AP1B1: variants seen among roughly 807,000 people sequenced by gnomAD.
AP1B1 encodes adaptor related protein complex 1 subunit beta 1, also known as AP-1 complex subunit beta-1.
Under a neutral mutation model 104.3 loss-of-function variants are expected in AP1B1, and 36 were observed. The observed-to-expected ratio is 0.35, with a 90% CI of 0.26 to 0.46. The LOEUF is 0.46. AP1B1 is among the 20% of genes least tolerant of loss of function. AP1B1 has a pLI of 1.00. For synonymous variants in AP1B1, 504 were observed against 517.5 expected (o/e 0.97, Z 0.35); for missense variants, 901 against 1,247.9 (o/e 0.72, Z 4.19).
chr22:29,382,988 T>C (rs1226867294), intron 1 of AP1B1, among the ~76,000 whole-genome samples: 2 of 152,188 alleles, frequency 1.3e-5, no homozygotes, highest in Admixed American at 6.5e-5. Context: ...TTGTGGCTTA[T>C]TGGTTTTTCT....
intron 11 of AP1B1, 25 bp downstream of exon 11, chr22:29,349,193 C>CA (rs1333372661): frequency 6.2e-7 from 1 of 1,609,160 alleles, no homozygotes; most frequent in Non-Finnish European, 8.5e-7. Context: ...TCATGACTCA[C>CA]ACCCTGGCCA....
In AP1B1 at chr22:29,334,355, C is replaced by T. The variant is rs778806080; in HGVS notation, c.2219G>A (p.Arg740His). ...GTCCATGGAGATGGAGCCCACCTGGCGGGTGAAGGTGCCTGAGATCTCCAG... is the reference window on the plus strand; with the variant it reads ...GTCCATGGAGATGGAGCCCACCTGGTGGGTGAAGGTGCCTGAGATCTCCAG... ...KGLEISGTFT[R>H]QVGSISMDLQ... Residue 740 changes from arginine (R) to histidine (H), a missense_variant, in exon 17 of 23, where the codon CGC (arginine) becomes CAC (histidine). By Grantham distance (29) the Arg-to-His change is conservative (BLOSUM62 0). Around this residue, in one of 3 missense-constraint regions of AP1B1, gnomAD observed 424 missense variants for 494.0 expected, o/e 0.86. Transcript: ENST00000357586. The T allele has an allele frequency of 2.0e-5, 32 of 1,610,486 alleles. No individual in the cohort carries two copies. The highest frequency in any genetic ancestry group is 5.4e-5 in the African/African-American group (4 of 74,682).
intron 1 of AP1B1, among the ~76,000 whole-genome samples, chr22:29,376,805 C>A (rs921938949): frequency 1.3e-5 from 2 of 152,172 alleles, no homozygotes; most frequent in African/African-American, 4.8e-5. Flanking sequence ...TACTCTGTGC[C>A]ATGCCCTGGA....
intron 1 of AP1B1, among the ~76,000 whole-genome samples, chr22:29,368,133 C>T (rs2062173485): frequency 6.6e-6 from 1 of 152,092 alleles, no homozygotes. Context: ...ACCATCTCTA[C>T]TAAAAATACA....
chr22:29,369,192 T>C (rs1161563064), intron 1 of AP1B1, among the ~76,000 whole-genome samples: 1 of 152,140 alleles, frequency 6.6e-6, no homozygotes, highest in East Asian at 1.9e-4. Context: ...TCAGGAGTCA[T>C]TTCACAGCCT....
Position 29,349,370 on chromosome 22 carries a change from T to C in AP1B1, c.1285A>G (p.Ile429Val). Residue 429 changes from isoleucine (I) to valine (V), a missense_variant, in exon 11 of 23, where the codon ATT (isoleucine) becomes GTT (valine). Ile to Val is a conservative substitution (Grantham distance 29). Around this residue, in one of 3 missense-constraint regions of AP1B1, gnomAD observed 471 missense variants for 696.7 expected, o/e 0.68. Transcript: ENST00000357586. ...RKYPNKYESV[I>V]ATLCENLDSL... is the part of the protein sequence containing the mutation. ...TCCAGATTCTCACACAGTGTGGCAA[T>C]CACACTCTCATACCTGGGAGACCAG... 6.2e-7 allele frequency: 1 copy of C among 1,613,772 alleles called. No homozygotes were observed. The highest frequency in any genetic ancestry group is 2.2e-5 in the East Asian group (1 of 44,866).
rs949950441 is a variant in AP1B1 at position 29,328,941 on chromosome 22, G to T, written c.2776-46C>A. 3 of 1,583,014 alleles carry T rather than the reference G, an allele frequency of 1.9e-6. No homozygotes were observed. The highest frequency in any genetic ancestry group is 2.6e-6 in the Non-Finnish European group (3 of 1,167,730). On this transcript the variant is annotated intron_variant, in intron 22 of 22. Transcript: ENST00000357586. This position sits in a 1 kb window ranked among gnomAD's most constrained non-coding sequence, Gnocchi z 4.1. Reference sequence around the variant, plus strand: ...GGGGGAAAGAGCGCTCATCCCTGGGGTTCCTCTCAGGAAGGAAAGGGGTGG... The same window carrying T: ...GGGGGAAAGAGCGCTCATCCCTGGGTTTCCTCTCAGGAAGGAAAGGGGTGG...
At chr22:29,343,878 C>T (rs940015457) in intron 11 of AP1B1, among the ~76,000 whole-genome samples, 11 of 151,960 alleles carry the variant, frequency 7.2e-5, no homozygotes, top group African/African-American at 1.7e-4. Context: ...TGGGAGGCCT[C>T]GGTGGTTGGA....
rs375066553 is a variant in AP1B1, at chr22:29,344,649, C to T, written c.1438-2266G>A. ...AAGTGATTTTCCTGCCTCAGCCTCC[C>T]GAGCAGCTAGGATTACAGGCACACA... is the stretch of plus-strand genomic sequence containing the variant. On this transcript the variant is annotated intron_variant, in intron 11 of 22. Transcript: ENST00000357586. 1.5e-4 allele frequency among the ~76,000 whole-genome samples: 23 copies of T among 151,522 alleles called. No homozygotes were observed. The South Asian group carries it at 2.1e-3, about 14-fold the overall frequency.
intron 1 of AP1B1, among the ~76,000 whole-genome samples, chr22:29,379,863 A>C (rs879347121): frequency 1.2e-4 from 18 of 152,344 alleles, no homozygotes; most frequent in Non-Finnish European, 1.9e-4. Flanking sequence ...CTTCTTGCTA[A>C]GTGATTTACA....
At chr22:29,334,239 G>T in intron 17 of AP1B1, 26 bp downstream of exon 17, 1 of 1,562,972 alleles carries the variant, frequency 6.4e-7, no homozygotes, top group Non-Finnish European at 8.6e-7. Flanking sequence ...CTCTTGAGAG[G>T]TGCGCTGGCC....
chr22:29,365,487 C>CA (rs111447079), intron 2 of AP1B1, among the ~76,000 whole-genome samples: 2,971 of 144,028 alleles, frequency 0.021, 33 homozygotes, highest in South Asian at 0.046. Context: ...GACTCTGTCT[C>CA]AAAAAAAAAC....
At chr22:29,334,492 TTC>T (rs762484103) in intron 16 of AP1B1, 82 bp from the exon 17 acceptor site, 28 of 1,466,542 alleles carry the variant, frequency 1.9e-5, no homozygotes, top group Admixed American at 1.1e-4. Flanking sequence ...AGGGTGCTTT[TTC>T]TCTCTCTCTC....
Position 29,331,876 on chromosome 22 carries a change from G to T in AP1B1, c.2350C>A (p.Pro784Thr). 1 of 1,613,226 alleles carries T rather than the reference G, an allele frequency of 6.2e-7. No individual in the cohort carries two copies. The highest frequency in any genetic ancestry group is 8.5e-7 in the Non-Finnish European group (1 of 1,179,454). The change falls in exon 18 of 23, where the codon CCA becomes ACA. Residue 784 changes from proline to threonine, a missense_variant. Physicochemically the swap from Pro to Thr is conservative, Grantham distance 38 (BLOSUM62 -1). Around this residue, in one of 3 missense-constraint regions of AP1B1, gnomAD observed 424 missense variants for 494.0 expected, o/e 0.86. Coordinates refer to ENST00000357586, the MANE Select transcript of AP1B1 (RefSeq NM_001127.4). ...TCCACTGTCTGGTTGGGGCTGAGTG[G>T]CGCGTGGACCTGGAGGGGGGCGGCG... is the stretch of plus-strand genomic sequence containing the variant. ...APAAPLQVHAPLSPNQTVEIS... is the reference protein window; with the variant it reads ...APAAPLQVHATLSPNQTVEIS...
At chr22:29,357,780 T>A (rs2147999033) in intron 5 of AP1B1, among the ~76,000 whole-genome samples, 1 of 147,124 alleles carries the variant, frequency 6.8e-6, no homozygotes, top group South Asian at 2.2e-4. Flanking sequence ...TCCGACTTCC[T>A]GGGTACAAGT....
chr22:29,340,457 G>A (rs929193743), intron 14 of AP1B1, among the ~76,000 whole-genome samples, 199 bp downstream of exon 14: 3 of 152,188 alleles, frequency 2.0e-5, no homozygotes, highest in African/African-American at 7.2e-5. Context: ...CGACCTCGGA[G>A]GGAAGGCTGC....
At chr22:29,368,516 G>A (rs1269726531) in intron 1 of AP1B1, among the ~76,000 whole-genome samples, 2 of 152,096 alleles carry the variant, frequency 1.3e-5, no homozygotes, top group Non-Finnish European at 2.9e-5. Flanking sequence ...CAGGGGCTTC[G>A]CCCACATTAT....
Position 29,358,769 on chromosome 22 carries a change from A to T in AP1B1, c.482T>A (p.Phe161Tyr), listed in dbSNP as rs746270955. ...GATGAGGTCTTTAAGGGTGTCCAGG[A>T]AGCCCTGGTCCTCCACCAGCTGGGC... ...INAQLVEDQG[F>Y]LDTLKDLISD... The change falls in exon 5 of 23, where the codon TTC (phenylalanine) becomes TAC (tyrosine). Residue 161 changes from phenylalanine to tyrosine, a missense_variant. Coordinates refer to ENST00000357586, the MANE Select transcript of AP1B1 (RefSeq NM_001127.4). The T allele has an allele frequency of 6.2e-7, 1 of 1,614,198 alleles. No homozygotes were observed. Among genetic ancestry groups the T allele is most frequent in the Middle Eastern group, 1.6e-4 (1 of 6,062 alleles).
At chr22:29,369,699 G>A (rs2062200581) in intron 1 of AP1B1, among the ~76,000 whole-genome samples, 1 of 152,168 alleles carries the variant, frequency 6.6e-6, no homozygotes, top group African/African-American at 2.4e-5. Flanking sequence ...CACATAGCAA[G>A]TATTCAATTG....
Sources: gnomAD v4.1 joint callset for allele counts (sites outside exome capture counted in the v4.1 genomes callset) on GRCh38, gnomAD v4.1.1 for gene constraint, gnomAD v4.1.1 regional missense constraint, Gnocchi (gnomAD v3.1) non-coding constraint, MANE v1.5 for transcripts, NCBI Gene and HGNC (gene_info 2026-07-23, HGNC 2026-07-21) for gene names.